CACNA1D: variants seen among roughly 807,000 people sequenced by gnomAD.
CACNA1D encodes voltage-dependent L-type calcium channel subunit alpha-1D.
A neutral mutation model predicts 257.1 loss-of-function variants in CACNA1D; 55 were observed. The observed-to-expected ratio is 0.21, with a 90% CI of 0.17 to 0.27. CACNA1D has a LOEUF of 0.27. Ranked by LOEUF, CACNA1D falls within the 10% of genes least tolerant of loss-of-function variation. The pLI is 1.00. For missense variants in CACNA1D, 1,876 were observed against 2,784.0 expected, an observed-to-expected ratio of 0.67 and a Z score of 7.34; for synonymous variants, 980 against 1,014.9, an observed-to-expected ratio of 0.97 and a Z score of 0.65.
At chr3:53,573,173 A>G (rs1397633022) in intron 3 of CACNA1D, among the ~76,000 whole-genome samples, 1 of 152,184 alleles carries the variant, frequency 6.6e-6, no homozygotes, top group Non-Finnish European at 1.5e-5. Flanking sequence ...CATTATGGCC[A>G]GCTTGTTTTC....
Position 53,749,515 on chromosome 3 carries a change from G to C in CACNA1D, c.3516+46G>C, listed in dbSNP as rs200761818. On this transcript the variant is annotated intron_variant, in intron 27 of 47. Transcript: ENST00000350061. Reference sequence around the variant, plus strand: ...TGGCTTCTGTCCCTTGGTCAGGAGCGGAGTGCCTTCTTTATTGACTGATTT... The same window carrying C: ...TGGCTTCTGTCCCTTGGTCAGGAGCCGAGTGCCTTCTTTATTGACTGATTT... The C allele has an allele frequency of 6.3e-4, 851 of 1,343,816 alleles. 9 individuals carry two copies. The Middle Eastern group carries it at 7.0e-3, about 11-fold the overall frequency. 83.2% of individuals were successfully genotyped at this position (1,343,816 alleles called of 1,614,324 possible). A position where few individuals can be genotyped will look rare whatever the true frequency, so the allele number is the denominator to read the frequency against.
chr3:53,684,438 A>G (rs1285556479), intron 8 of CACNA1D, among the ~76,000 whole-genome samples: 1 of 152,128 alleles, frequency 6.6e-6, no homozygotes, highest in Non-Finnish European at 1.5e-5. Flanking sequence ...CCTGACCAAC[A>G]TGGAGAAACC....
chr3:53,572,031 T>C (rs1371758679), intron 3 of CACNA1D, among the ~76,000 whole-genome samples: 1 of 152,264 alleles, frequency 6.6e-6, no homozygotes, highest in Non-Finnish European at 1.5e-5. Flanking sequence ...TGGACTGATT[T>C]GTTTGAGGTT....
In CACNA1D at chr3:53,511,032, T is replaced by C. The variant is rs149060642; in HGVS notation, c.483+9312T>C. 1.0e-2 allele frequency among the ~76,000 whole-genome samples: 1,516 copies of C among 152,334 alleles called. 27 individuals are homozygous for C. Among genetic ancestry groups the C allele is most frequent in the African/African-American group, 0.035 (1,453 of 41,564 alleles). On this transcript the variant is annotated intron_variant, in intron 3 of 47. Coordinates refer to ENST00000350061, the MANE Select transcript of CACNA1D (RefSeq NM_001128840.3). ...TGAGTCTTATTTTGGAACGTTTGCT[T>C]GCTACGGACTGGTTTCATGACAAAT...
At chr3:53,505,121 T>TTG (rs1553707216) in intron 3 of CACNA1D, among the ~76,000 whole-genome samples, 1 of 145,966 alleles carries the variant, frequency 6.9e-6, no homozygotes, top group African/African-American at 2.5e-5. Context: ...ATTTGTTTTT[T>TTG]TTTTTTTTTT....
intron 45 of CACNA1D, among the ~76,000 whole-genome samples, chr3:53,805,485 A>G (rs924179471): frequency 2.6e-5 from 4 of 152,144 alleles, no homozygotes; most frequent in African/African-American, 9.7e-5. Flanking sequence ...GGCAAACCAC[A>G]CACATGCTTT....
Position 53,776,860 on chromosome 3 carries a change from G to A in CACNA1D, c.4491G>A (p.Lys1497=). 1.2e-6 allele frequency: 2 copies of A among 1,614,036 alleles called. No homozygotes were observed. Among genetic ancestry groups the A allele is most frequent in the Non-Finnish European group, 1.7e-6 (2 of 1,179,898 alleles). ...ACCTTAGATTGTATTTTACTTCCAG[G>A]GGAAGGATAAAACACCTTGATGTGG... ...RIWSEYDPEA[K]GRIKHLDVVT... The change falls in exon 37 of 48, where the codon AAG becomes AAA. Residue 1497 remains lysine, a splice_region_variant and synonymous_variant. Coordinates refer to ENST00000350061, the MANE Select transcript of CACNA1D (RefSeq NM_001128840.3).
chr3:53,729,975 C>A (rs942808025), intron 15 of CACNA1D, among the ~76,000 whole-genome samples: 3 of 152,124 alleles, frequency 2.0e-5, no homozygotes. Flanking sequence ...ATTTGAATAA[C>A]TTGCAACCTT....
chr3:53,508,082 A>T (rs1049052953), intron 3 of CACNA1D, among the ~76,000 whole-genome samples: 2 of 152,056 alleles, frequency 1.3e-5, no homozygotes, highest in Admixed American at 1.3e-4. Flanking sequence ...CACGTTGCCT[A>T]TGTGTACATC....
Position 53,601,952 on chromosome 3 carries a change from C to A in CACNA1D, c.484-48827C>A, listed in dbSNP as rs555307510. Among the ~76,000 whole-genome samples the A allele has an allele frequency of 2.3e-4, 35 of 152,272 alleles. 1 individual carries two copies. The highest frequency in any genetic ancestry group is 8.2e-4 in the African/African-American group (34 of 41,542). On this transcript the variant is annotated intron_variant, in intron 3 of 47. Coordinates refer to ENST00000350061, the MANE Select transcript of CACNA1D (RefSeq NM_001128840.3). ...TCTTGAACTCCTGACCTCAGGTAAT[C>A]GGCCCGCCTCAGCCTCCCAAAGTGC... is the stretch of plus-strand genomic sequence containing the variant.
At chr3:53,797,942 G>A (rs2095515261) in intron 40 of CACNA1D, 1 of 152,122 alleles carries the variant, frequency 6.6e-6, no homozygotes, top group Admixed American at 6.5e-5. Context: ...TTTATTTTGT[G>A]GAAGCAGCAG....
intron 30 of CACNA1D, 132 bp from the exon 31 acceptor site, chr3:53,769,841 T>C (rs2095356626): frequency 2.5e-6 from 2 of 792,348 alleles, no homozygotes; most frequent in Non-Finnish European, 4.6e-6. Flanking sequence ...CCACTGGTAT[T>C]TTCTCAGGGA....
chr3:53,734,826 A>G (rs971704569), intron 19 of CACNA1D, among the ~76,000 whole-genome samples: 11 of 152,248 alleles, frequency 7.2e-5, no homozygotes, highest in African/African-American at 2.7e-4. Flanking sequence ...GCAGACAGCC[A>G]GAGATGTCCT....
intron 10 of CACNA1D, chr3:53,718,893 A>C (rs765196986): frequency 2.9e-6 from 2 of 695,546 alleles, no homozygotes; most frequent in African/African-American, 1.8e-5. Context: ...CGGTTGGATG[A>C]CGAGGCCCTG....
At chr3:53,637,331 G>A (rs1361394042) in intron 3 of CACNA1D, among the ~76,000 whole-genome samples, 4 of 152,124 alleles carry the variant, frequency 2.6e-5, no homozygotes, top group Non-Finnish European at 4.4e-5. Context: ...TAATAAGATC[G>A]TAGGCACTCT....
chr3:53,584,941 A>G (rs2093189138), intron 3 of CACNA1D, among the ~76,000 whole-genome samples: 1 of 152,002 alleles, frequency 6.6e-6, no homozygotes, highest in South Asian at 2.1e-4. Flanking sequence ...CAATAGACCA[A>G]GTTCCCAAAA....
At chr3:53,555,470 T>TTG (rs1426530825) in intron 3 of CACNA1D, among the ~76,000 whole-genome samples, 3 of 146,062 alleles carry the variant, frequency 2.1e-5, no homozygotes, top group East Asian at 1.9e-4. Context: ...GTTTTTTTTT[T>TTG]TTTTTTTTTT....
intron 23 of CACNA1D, among the ~76,000 whole-genome samples, chr3:53,745,080 T>C (rs1037544552): frequency 6.6e-6 from 1 of 152,212 alleles, no homozygotes; most frequent in Non-Finnish European, 1.5e-5. Flanking sequence ...TTATTAGTAG[T>C]TCTTTGTGTT....
intron 3 of CACNA1D, among the ~76,000 whole-genome samples, chr3:53,583,562 G>A (rs1397002121): frequency 6.6e-6 from 1 of 152,210 alleles, no homozygotes; most frequent in East Asian, 1.9e-4. Flanking sequence ...GTCTGCAGCA[G>A]CAGCCCATGC....
Sources: gnomAD v4.1 joint callset for allele counts (sites outside exome capture counted in the v4.1 genomes callset) on GRCh38, gnomAD v4.1.1 for gene constraint, MANE v1.5 for transcripts, NCBI Gene and HGNC (gene_info 2026-07-23, HGNC 2026-07-21) for gene names.